Variants in TYW5 observed in about 807,000 individuals in gnomAD.
The protein encoded by TYW5 is tRNA-yW synthesizing protein 5.
A neutral mutation model predicts 44.4 loss-of-function variants in TYW5; 36 were observed. The observed-to-expected ratio is 0.81, with a 90% CI of 0.62 to 1.07. The LOEUF is 1.07. Ranked by LOEUF, TYW5 falls within the 50% of genes least tolerant of loss-of-function variation. TYW5 has a pLI of 0.00. For synonymous variants in TYW5, 121 were observed against 128.1 expected (o/e 0.94, Z 0.37); for missense variants, 354 against 365.7 (o/e 0.97, Z 0.26).
intron 3 of TYW5, among the ~76,000 whole-genome samples, chr2:199,941,640 C>T (rs2077465588): frequency 6.6e-6 from 1 of 152,150 alleles, no homozygotes. Flanking sequence ...AAATGTTCTT[C>T]GAAAGTCTAA....
intron 5 of TYW5, among the ~76,000 whole-genome samples, chr2:199,936,771 A>G (rs1489355418): frequency 6.6e-6 from 1 of 152,212 alleles, no homozygotes. Context: ...CTGACAGCAT[A>G]GTTAAGCCTA....
chr2:199,949,689 C>T (rs972704858), intron 1 of TYW5, among the ~76,000 whole-genome samples: 1 of 152,148 alleles, frequency 6.6e-6, no homozygotes, highest in East Asian at 1.9e-4. Context: ...AAGGAATGTA[C>T]CACAAAAGGA....
intron 7 of TYW5, among the ~76,000 whole-genome samples, chr2:199,935,437 G>A (rs1255425433): frequency 6.6e-6 from 1 of 151,718 alleles, no homozygotes; most frequent in Non-Finnish European, 1.5e-5. Flanking sequence ...CAACCTCGTG[G>A]GCCCAAGAGA....
intron 3 of TYW5, 121 bp downstream of exon 3, chr2:199,943,644 A>C: frequency 1.3e-6 from 1 of 782,716 alleles, no homozygotes; most frequent in East Asian, 2.8e-5. Flanking sequence ...CATCCAACCA[A>C]ATCTTACGAA....
intron 7 of TYW5, among the ~76,000 whole-genome samples, chr2:199,933,725 T>C (rs568123119): frequency 6.6e-6 from 1 of 152,310 alleles, no homozygotes; most frequent in South Asian, 2.1e-4. Flanking sequence ...GAGGAGTATC[T>C]TTGACCTTTT....
At chr2:199,936,213 C>T (rs777998944) in intron 6 of TYW5, among the ~76,000 whole-genome samples, 166 bp from the exon 7 acceptor site, 2 of 152,162 alleles carry the variant, frequency 1.3e-5, no homozygotes, top group Non-Finnish European at 2.9e-5. Context: ...TTTTCAATGA[C>T]TCACTCTTTA....
rs2077589598 is a variant in TYW5, at chr2:199,955,402, G to C, written c.69C>G (p.Leu23=). 6.2e-7 allele frequency: 1 copy of C among 1,613,702 alleles called. No individual in the cohort carries two copies. Reference sequence around the variant, plus strand: ...CGCGCGAGGGCCTCACCTGTGGGTAGAGGTGCTGCATGAACTGCTCCCGAG... The same window carrying C: ...CGCGCGAGGGCCTCACCTGTGGGTACAGGTGCTGCATGAACTGCTCCCGAG... ...GVSREQFMQH[L]YPQRKPLVLE... The change falls in exon 1 of 8, where the codon CTC becomes CTG. Residue 23 remains leucine (L), a synonymous_variant. Transcript: ENST00000354611.
At chr2:199,947,881 C>CA (rs2077514531) in intron 2 of TYW5, 1 of 162,958 alleles carries the variant, frequency 6.1e-6, no homozygotes, top group South Asian at 1.6e-4. Context: ...GACTTGAGGC[C>CA]AAGAGTTTGA....
intron 7 of TYW5, among the ~76,000 whole-genome samples, chr2:199,935,374 T>A (rs1289071717): frequency 6.6e-6 from 1 of 151,822 alleles, no homozygotes. Context: ...TTGCTCACAG[T>A]GGAGTACAGT....
chr2:199,945,166 G>C (rs2077494789), intron 2 of TYW5: 1 of 152,150 alleles, frequency 6.6e-6, no homozygotes, highest in Non-Finnish European at 1.5e-5. Context: ...TGGACCATAT[G>C]TCTTACCTAA....
In TYW5 at chr2:199,951,179, T is replaced by C. The variant is rs80345993; in HGVS notation, c.79-2707A>G. Among the ~76,000 whole-genome samples the C allele has an allele frequency of 6.4e-3, 971 of 152,350 alleles. 3 individuals carry two copies. The highest frequency in any genetic ancestry group is 0.02 in the Middle Eastern group (6 of 294). ...ATGCCACTGGAACTTAACTCTTGTT[T>C]GTATCAATTAGCCTGTGGTAAAACT... On this transcript the variant is annotated intron_variant, in intron 1 of 7. Transcript: ENST00000354611.
intron 2 of TYW5, chr2:199,946,263 A>G (rs1281922929): frequency 1.3e-5 from 2 of 152,254 alleles, no homozygotes; most frequent in African/African-American, 4.8e-5. Context: ...TGGGGTTAAC[A>G]ACAATGATAA....
Position 199,929,242 on chromosome 2 carries a change from C to T in TYW5, c.*3825G>A, listed in dbSNP as rs1022971637. On this transcript the variant is annotated 3_prime_UTR_variant, in exon 8 of 8. Coordinates refer to ENST00000354611, the MANE Select transcript of TYW5 (RefSeq NM_001039693.3). Reference sequence around the variant, plus strand: ...TAGGAGATATACCTAATGTAAATGACGAGTTAACGGGTGCAGCACACCAAC... The same window carrying T: ...TAGGAGATATACCTAATGTAAATGATGAGTTAACGGGTGCAGCACACCAAC... 2.6e-5 allele frequency among the ~76,000 whole-genome samples: 4 copies of T among 152,024 alleles called. No homozygotes were observed. Among genetic ancestry groups the T allele is most frequent in the East Asian group, 1.9e-4 (1 of 5,188 alleles).
chr2:199,936,083 CAA>C, intron 6 of TYW5, 36 bp from the exon 7 acceptor site: 1 of 1,177,936 alleles, frequency 8.5e-7, no homozygotes. Context: ...ATAGATTCAG[CAA>C]AGTTAGCATT....
chr2:199,939,260 C>A (rs755991117), intron 4 of TYW5, among the ~76,000 whole-genome samples, 190 bp from the exon 5 acceptor site: 3 of 152,152 alleles, frequency 2.0e-5, no homozygotes, highest in Admixed American at 6.5e-5. Flanking sequence ...CCTCCCACCA[C>A]GCCCAGCTAA....
rs541582563 is a variant in TYW5 at position 199,950,768 on chromosome 2, G to C, written c.79-2296C>G. ...AGAGACTCTGGCCACCTGTGACCCT[G>C]AACTGAAATAAGCAGGTTGGAAAAT... On this transcript the variant is annotated intron_variant, in intron 1 of 7. Coordinates refer to ENST00000354611, the MANE Select transcript of TYW5 (RefSeq NM_001039693.3). 2.0e-5 allele frequency among the ~76,000 whole-genome samples: 3 copies of C among 152,306 alleles called. No individual in the cohort carries two copies. In the South Asian group the frequency reaches 6.2e-4, roughly 32 times the overall value.
intron 1 of TYW5, among the ~76,000 whole-genome samples, chr2:199,951,056 T>C (rs1468168930): frequency 6.6e-6 from 1 of 152,240 alleles, no homozygotes; most frequent in African/African-American, 2.4e-5. Context: ...TTAATCCTTC[T>C]TAAATGTACA....
intron 3 of TYW5, 194 bp downstream of exon 3, chr2:199,943,571 T>C: frequency 1.9e-6 from 1 of 522,954 alleles, no homozygotes; most frequent in Non-Finnish European, 3.4e-6. Context: ...TATACTGAAG[T>C]ACAGAAAAAT....
Position 199,930,371 on chromosome 2 carries a change from A to G in TYW5, c.*2696T>C, listed in dbSNP as rs904580841. 6.6e-6 allele frequency: 1 copy of G among 152,244 alleles called. No individual in the cohort carries two copies. Among genetic ancestry groups the G allele is most frequent in the Non-Finnish European group, 1.5e-5 (1 of 68,042 alleles). The allele number at this position is 152,244 out of a possible 1,614,324, so 9.4% of individuals were successfully genotyped here. A position where few individuals can be genotyped will look rare whatever the true frequency, so the allele number is the denominator to read the frequency against. On this transcript the variant is annotated 3_prime_UTR_variant, in exon 8 of 8. Coordinates refer to ENST00000354611, the MANE Select transcript of TYW5 (RefSeq NM_001039693.3). ...TATCACTGGTTTCTCGTGCATCCTT[A>G]GAGATAATTATATGCATATGCAAAT...
Sources: gnomAD v4.1 joint callset for allele counts (sites outside exome capture counted in the v4.1 genomes callset) on GRCh38, gnomAD v4.1.1 for gene constraint, MANE v1.5 for transcripts, NCBI Gene and HGNC (gene_info 2026-07-23, HGNC 2026-07-21) for gene names.